Variants in TECRL observed in about 807,000 individuals in gnomAD.
The protein encoded by TECRL is trans-2,3-enoyl-CoA reductase like.
A neutral mutation model predicts 52.8 loss-of-function variants in TECRL; 63 were observed. The ratio of observed to expected loss-of-function variants is 1.19; its 90% CI spans 0.97 to 1.47. The LOEUF is 1.47. TECRL is among the 40% of genes most tolerant of loss of function. The pLI is 0.00. For missense variants in TECRL, 482 were observed against 429.6 expected (o/e 1.12, Z -1.08); for synonymous variants, 164 against 141.9 (o/e 1.16, Z -1.10).
intron 2 of TECRL, among the ~76,000 whole-genome samples, chr4:64,338,647 G>A (rs926350596): frequency 2.0e-5 from 3 of 152,172 alleles, no homozygotes; most frequent in African/African-American, 7.2e-5. Context: ...CTTCTCAAAA[G>A]AAGACATTTA....
At position 64,281,077 on chromosome 4, in the gene TECRL, A is replaced by T; in HGVS notation, c.928T>A (p.Trp310Arg). The part of the protein sequence containing the change: ...CPNYTYEIGS[W>R]ISFTVMTQTL... ...TGTGTCATGACTGTGAAACTAATCCATGATCCAATCTGTTATATTAAAACT... is the reference window on the plus strand; with the variant it reads ...TGTGTCATGACTGTGAAACTAATCCTTGATCCAATCTGTTATATTAAAACT... The change falls in exon 11 of 12, where the codon TGG becomes AGG. Residue 310 changes from tryptophan (W) to arginine (R), a missense_variant. Coordinates refer to ENST00000381210, the MANE Select transcript of TECRL (RefSeq NM_001010874.5). The T allele has an allele frequency of 1.2e-6, 2 of 1,602,146 alleles. No homozygotes were observed. Among genetic ancestry groups the T allele is most frequent in the Non-Finnish European group, 1.7e-6 (2 of 1,172,346 alleles).
intron 2 of TECRL, among the ~76,000 whole-genome samples, chr4:64,359,491 A>T (rs187956686): frequency 1.3e-3 from 181 of 141,710 alleles, no homozygotes; most frequent in African/African-American, 4.4e-3. Flanking sequence ...TGCTAACCCA[A>T]CCGTCTAGAT....
In TECRL at chr4:64,379,247, TACACACACAC is replaced by T. The variant is rs4034911; in HGVS notation, c.235-4034_235-4025del. 2.4e-3 allele frequency among the ~76,000 whole-genome samples: 346 copies of T among 145,400 alleles called. 2 individuals are homozygous for T. Among genetic ancestry groups the T allele is most frequent in the African/African-American group, 5.8e-3 (230 of 39,386 alleles). On this transcript the variant is annotated intron_variant, in intron 1 of 11. Coordinates refer to ENST00000381210, the MANE Select transcript of TECRL (RefSeq NM_001010874.5). ...ATTTATGCAAACACACACACACACA[TACACACACAC>T]ACACACACACACACACACACACACA...
At chr4:64,406,281 T>G (rs905737440) in intron 1 of TECRL, among the ~76,000 whole-genome samples, 4 of 151,944 alleles carry the variant, frequency 2.6e-5, no homozygotes, top group Non-Finnish European at 4.4e-5. Context: ...GTCTATACTT[T>G]GTCCATTTTA....
intron 1 of TECRL, among the ~76,000 whole-genome samples, chr4:64,381,782 G>T (rs543458124): frequency 2.4e-4 from 36 of 152,104 alleles, no homozygotes; most frequent in African/African-American, 8.2e-4. Context: ...TGTGTTGTAA[G>T]ATTTTATTTG....
intron 5 of TECRL, among the ~76,000 whole-genome samples, chr4:64,312,026 G>A (rs947147896): frequency 3.3e-5 from 5 of 152,150 alleles, no homozygotes; most frequent in Admixed American, 6.6e-5. Context: ...GATACTTGAC[G>A]CAGATACAGT....
intron 1 of TECRL, among the ~76,000 whole-genome samples, chr4:64,395,066 C>T (rs1198573198): frequency 6.6e-6 from 1 of 150,382 alleles, no homozygotes; most frequent in African/African-American, 2.5e-5. Flanking sequence ...GCACCTCGTC[C>T]ACACCTGGCT....
At chr4:64,303,649 G>A (rs899479679) in intron 7 of TECRL, among the ~76,000 whole-genome samples, 2 of 151,776 alleles carry the variant, frequency 1.3e-5, no homozygotes, top group Non-Finnish European at 1.5e-5. Flanking sequence ...GATAAAATGT[G>A]CCAACCATTT....
chr4:64,309,569 T>C (rs1724545374), intron 6 of TECRL, among the ~76,000 whole-genome samples: 1 of 152,158 alleles, frequency 6.6e-6, no homozygotes, highest in Admixed American at 6.5e-5. Flanking sequence ...TGCTTAGTAT[T>C]ACCAAAATTA....
At chr4:64,288,722 T>C (rs1254573029) in intron 9 of TECRL, among the ~76,000 whole-genome samples, 1 of 152,094 alleles carries the variant, frequency 6.6e-6, no homozygotes, top group Non-Finnish European at 1.5e-5. Context: ...GCCAGTCTGA[T>C]CCACCACAGC....
rs1019799141 is a variant in TECRL, at chr4:64,314,729, A to G, written c.470T>C (p.Ile157Thr). ...FLAEYTGPLL[I>T]YLLFYLRIPC... ...GATCCTCAAATAAAAGAGGAGGTAT[A>G]TTAGCAGAGGTCCTGTGTATTCAGC... The change falls in exon 5 of 12, where the codon ATA becomes ACA. Residue 157 changes from isoleucine to threonine, a missense_variant. Ile to Thr is a moderately conservative substitution (Grantham distance 89). Coordinates refer to ENST00000381210, the MANE Select transcript of TECRL (RefSeq NM_001010874.5). The G allele has an allele frequency of 3.7e-6, 6 of 1,613,654 alleles. No individual in the cohort carries two copies. In the Admixed American group the frequency reaches 8.3e-5, roughly 22 times the overall value.
chr4:64,289,221 A>G (rs1723243550), intron 9 of TECRL, among the ~76,000 whole-genome samples: 1 of 152,188 alleles, frequency 6.6e-6, no homozygotes, highest in Non-Finnish European at 1.5e-5. Flanking sequence ...CACCAACCTA[A>G]ATATACTACT....
intron 2 of TECRL, among the ~76,000 whole-genome samples, chr4:64,339,191 C>T (rs1172071990): frequency 6.7e-6 from 1 of 149,808 alleles, no homozygotes; most frequent in Non-Finnish European, 1.5e-5. Context: ...TGGCAAAAAA[C>T]CAAACACCAC....
intron 8 of TECRL, chr4:64,299,293 G>T (rs191652494): frequency 1.3e-5 from 2 of 150,998 alleles, no homozygotes; most frequent in Non-Finnish European, 3.0e-5. Context: ...CACAAACTTT[G>T]CAAGAAATAT....
chr4:64,329,130 G>A (rs147985250), intron 2 of TECRL, among the ~76,000 whole-genome samples: 1,957 of 151,772 alleles, frequency 0.013, 21 homozygotes, highest in Non-Finnish European at 0.02. Flanking sequence ...TAATTCTGTC[G>A]CTATAGAAAA....
intron 2 of TECRL, among the ~76,000 whole-genome samples, chr4:64,347,084 G>T (rs1720043195): frequency 6.6e-6 from 1 of 152,106 alleles, no homozygotes; most frequent in Non-Finnish European, 1.5e-5. Context: ...CCATATAAAT[G>T]CACGGATCTG....
intron 1 of TECRL, among the ~76,000 whole-genome samples, chr4:64,393,209 G>A (rs1040625675): frequency 4.6e-5 from 7 of 152,046 alleles, no homozygotes; most frequent in African/African-American, 1.7e-4. Flanking sequence ...GTAGAGGGGG[G>A]AAAATATTCT....
At chr4:64,323,258 A>G (rs902413833) in intron 3 of TECRL, among the ~76,000 whole-genome samples, 1 of 151,930 alleles carries the variant, frequency 6.6e-6, no homozygotes, top group East Asian at 1.9e-4. Context: ...TTAGCCAGGC[A>G]TGGTGCTGTG....
At chr4:64,326,632 T>A (rs969503192) in intron 3 of TECRL, among the ~76,000 whole-genome samples, 5 of 152,092 alleles carry the variant, frequency 3.3e-5, no homozygotes, top group African/African-American at 4.8e-5. Context: ...ACAAAGGGAA[T>A]TTCATGAAAG....
Sources: allele counts gnomAD v4.1 joint callset (sites outside exome capture counted in the v4.1 genomes callset), GRCh38; gene constraint gnomAD v4.1.1; transcripts MANE v1.5; gene names NCBI Gene and HGNC (gene_info 2026-07-23, HGNC 2026-07-21).